The following HSPA12A variants were observed in gnomAD, a reference collection of about 807,000 sequenced individuals.
The protein encoded by HSPA12A is heat shock 70 kDa protein 12A.
A neutral mutation model predicts 69.2 loss-of-function variants in HSPA12A; 28 were observed. The observed-to-expected ratio is 0.40, with a 90% CI of 0.30 to 0.55. The LOEUF (loss-of-function observed/expected upper bound fraction) is 0.55, where lower values mean the gene tolerates loss of function less well. Among genes scored for constraint, HSPA12A ranks in the 20% least tolerant of loss-of-function variants. The pLI is 0.38. For missense variants in HSPA12A, 686 were observed against 900.7 expected (o/e 0.76, Z 3.05); for synonymous variants, 345 against 370.5 (o/e 0.93, Z 0.79).
At chr10:116,683,680 T>G in intron 7 of HSPA12A, 111 bp downstream of exon 7, 1 of 1,135,522 alleles carries the variant, frequency 8.8e-7, no homozygotes, top group Non-Finnish European at 1.2e-6. Flanking sequence ...TCCCGGAGTA[T>G]CCTGATTCTT....
chr10:116,697,251 T>G (rs1052009665), intron 5 of HSPA12A, among the ~76,000 whole-genome samples: 8 of 152,164 alleles, frequency 5.3e-5, no homozygotes, highest in Non-Finnish European at 1.0e-4. Flanking sequence ...TGGATAAAGC[T>G]CAAAACATCA....
At chr10:116,742,405 C>T (rs564000266) in intron 1 of HSPA12A, 25 bp downstream of exon 1, 7 of 1,431,530 alleles carry the variant, frequency 4.9e-6, no homozygotes, top group South Asian at 1.3e-5. Context: ...CAGCCGCGGC[C>T]GCAGGACCCG....
At chr10:116,778,471 C>T (rs572035379) in intron 2 of HSPA12A, among the ~76,000 whole-genome samples, 2 of 152,250 alleles carry the variant, frequency 1.3e-5, no homozygotes, top group African/African-American at 2.4e-5. Context: ...GGCTGTGGTC[C>T]CTCCCTCAGA....
At chr10:116,849,343 G>A (rs1413666123) in intron 1 of HSPA12A, among the ~76,000 whole-genome samples, 2 of 152,216 alleles carry the variant, frequency 1.3e-5, no homozygotes, top group Admixed American at 1.3e-4. Context: ...GAGTCTAGGA[G>A]GAGCCCAACC....
intron 1 of HSPA12A, among the ~76,000 whole-genome samples, chr10:116,722,794 A>G (rs190762213): frequency 1.1e-4 from 16 of 152,328 alleles, no homozygotes; most frequent in African/African-American, 3.6e-4. Flanking sequence ...TGTAATTAAA[A>G]GCCCTGTAAA....
intron 2 of HSPA12A, among the ~76,000 whole-genome samples, chr10:116,798,601 C>A (rs564825953): frequency 2.0e-5 from 3 of 152,144 alleles, no homozygotes; most frequent in Non-Finnish European, 4.4e-5. Context: ...GGGTGAAGGA[C>A]CGACATGCTC....
At chr10:116,713,663 C>G (rs544110126) in intron 1 of HSPA12A, among the ~76,000 whole-genome samples, 1 of 152,326 alleles carries the variant, frequency 6.6e-6, no homozygotes, top group Admixed American at 6.5e-5. Flanking sequence ...GGGTGGTTCA[C>G]AGTCTCTCTC....
At chr10:116,682,867 A>ATTTTTTTTTTTTT (rs60393392) in intron 7 of HSPA12A, among the ~76,000 whole-genome samples, 15 of 117,728 alleles carry the variant, frequency 1.3e-4, no homozygotes, top group African/African-American at 4.9e-4. Flanking sequence ...CGCCCGGCTA[A>ATTTTTTTTTTTTT]TTTTTTTTTT....
At chr10:116,714,983 A>C (rs1850563071) in intron 1 of HSPA12A, among the ~76,000 whole-genome samples, 1 of 152,346 alleles carries the variant, frequency 6.6e-6, no homozygotes, top group Non-Finnish European at 1.5e-5. Flanking sequence ...CAGATGAGAG[A>C]AGAACTTGTG....
chr10:116,696,002 C>CAAAAAAAAAAAAAAAAAAAAAAAAAAAAA (rs71013609), intron 5 of HSPA12A, among the ~76,000 whole-genome samples: 1 of 32,724 alleles, frequency 3.1e-5, no homozygotes, highest in Non-Finnish European at 5.0e-5. Flanking sequence ...GACTCCATCT[C>CAAAAAAAAAAAAAAAAAAAAAAAAAAAAA]AAAAAAAAAA....
At chr10:116,737,386 GA>G (rs1218336435) in intron 1 of HSPA12A, among the ~76,000 whole-genome samples, 1 of 152,122 alleles carries the variant, frequency 6.6e-6, no homozygotes, top group African/African-American at 2.4e-5. Flanking sequence ...GTCTACAGCA[GA>G]AAAAACAGAT....
At chr10:116,706,996 G>A (rs148228169) in intron 2 of HSPA12A, among the ~76,000 whole-genome samples, 3 of 152,310 alleles carry the variant, frequency 2.0e-5, no homozygotes, top group East Asian at 3.9e-4. Context: ...GGCTCGGAGT[G>A]GGGGAAGGGG....
intron 2 of HSPA12A, among the ~76,000 whole-genome samples, chr10:116,768,091 T>C (rs545817776): frequency 1.8e-4 from 27 of 152,296 alleles, no homozygotes; most frequent in Admixed American, 9.2e-4. Context: ...AGCCAAAAAG[T>C]AGAAACAACC....
chr10:116,696,939 G>T (rs1052025736), intron 5 of HSPA12A, among the ~76,000 whole-genome samples: 1 of 151,884 alleles, frequency 6.6e-6, no homozygotes, highest in African/African-American at 2.4e-5. Context: ...CCTCCTACAG[G>T]GAGCCTTCCA....
intron 5 of HSPA12A, among the ~76,000 whole-genome samples, chr10:116,693,907 T>C (rs1849807826): frequency 1.3e-5 from 2 of 152,266 alleles, no homozygotes; most frequent in Non-Finnish European, 2.9e-5. Flanking sequence ...ATCTCTGCTG[T>C]GGACCAACAC....
intron 2 of HSPA12A, among the ~76,000 whole-genome samples, chr10:116,814,855 T>C (rs1845266949): frequency 6.6e-6 from 1 of 152,212 alleles, no homozygotes; most frequent in Non-Finnish European, 1.5e-5. Context: ...GGTTGCAAAT[T>C]TGTTTTCTAA....
At chr10:116,757,445 C>T (rs1293761284) in intron 2 of HSPA12A, among the ~76,000 whole-genome samples, 1 of 152,180 alleles carries the variant, frequency 6.6e-6, no homozygotes, top group Non-Finnish European at 1.5e-5. Context: ...AGGCCCCTCT[C>T]CCAAGGTCAC....
intron 2 of HSPA12A, among the ~76,000 whole-genome samples, chr10:116,794,239 T>A (rs1230761868): frequency 6.6e-6 from 1 of 151,856 alleles, no homozygotes; most frequent in Non-Finnish European, 1.5e-5. Context: ...AATAAAAATA[T>A]AAAGGGACCA....
At chr10:116,764,668 A>G (rs782467131) in intron 2 of HSPA12A, among the ~76,000 whole-genome samples, 5 of 152,178 alleles carry the variant, frequency 3.3e-5, no homozygotes, top group African/African-American at 1.2e-4. Context: ...TATAGTTTTT[A>G]TATCTTTTTA....
Sources: gnomAD v4.1 joint callset for allele counts (sites outside exome capture counted in the v4.1 genomes callset) on GRCh38, gnomAD v4.1.1 for gene constraint, MANE v1.5 for transcripts, NCBI Gene and HGNC (gene_info 2026-07-23, HGNC 2026-07-21) for gene names.